SNTG1: variants seen among roughly 807,000 people sequenced by gnomAD.
The protein encoded by SNTG1 is syntrophin gamma 1, also known as gamma-1-syntrophin.
Under a neutral mutation model 74.7 loss-of-function variants are expected in SNTG1, and 39 were observed. That is an observed-to-expected ratio of 0.52 (90% CI 0.40 to 0.68). SNTG1 has a LOEUF of 0.68. Ranked by LOEUF, SNTG1 falls within the 30% of genes least tolerant of loss-of-function variation. The pLI is 0.00. For synonymous variants in SNTG1, 254 were observed against 217.1 expected (o/e 1.17, Z -1.49); for missense variants, 685 against 609.5 (o/e 1.12, Z -1.30).
chr8:49,973,559 A>T (rs894608934), intron 1 of SNTG1, among the ~76,000 whole-genome samples: 2 of 152,084 alleles, frequency 1.3e-5, no homozygotes, highest in Non-Finnish European at 2.9e-5. Flanking sequence ...TCCAGATGAG[A>T]TGAAATTTAC....
At chr8:50,047,909 C>A (rs539225907) in intron 1 of SNTG1, among the ~76,000 whole-genome samples, 1 of 152,080 alleles carries the variant, frequency 6.6e-6, no homozygotes, top group Admixed American at 6.5e-5. Flanking sequence ...GTGGTTAAGA[C>A]TTAAGGATCA....
intron 2 of SNTG1, among the ~76,000 whole-genome samples, chr8:50,274,925 C>A (rs2088008200): frequency 6.6e-6 from 1 of 152,104 alleles, no homozygotes; most frequent in Non-Finnish European, 1.5e-5. Context: ...CTATGTAATT[C>A]TTTTGATTAT....
intron 15 of SNTG1, among the ~76,000 whole-genome samples, chr8:50,690,231 T>C (rs900551754): frequency 2.6e-5 from 4 of 152,208 alleles, no homozygotes; most frequent in Non-Finnish European, 4.4e-5. Context: ...GAAGGTTTTT[T>C]TGTGTCTCTA....
intron 1 of SNTG1, among the ~76,000 whole-genome samples, chr8:50,125,306 A>G (rs1157547240): frequency 7.0e-6 from 1 of 142,922 alleles, no homozygotes; most frequent in East Asian, 2.0e-4. Context: ...AAATATAACT[A>G]TAATCAACAC....
At chr8:50,373,927 C>T (rs1024615485) in intron 2 of SNTG1, among the ~76,000 whole-genome samples, 2 of 152,096 alleles carry the variant, frequency 1.3e-5, no homozygotes, top group African/African-American at 2.4e-5. Context: ...CGTTCCTGGG[C>T]CATTACAGGA....
intron 2 of SNTG1, among the ~76,000 whole-genome samples, chr8:50,204,371 G>C (rs1020171438): frequency 3.3e-5 from 5 of 152,026 alleles, no homozygotes; most frequent in African/African-American, 9.7e-5. Context: ...TATGTTCCAA[G>C]TAGATTATCT....
Position 49,950,524 on chromosome 8 carries a change from G to C in SNTG1, c.-103+38293G>C, listed in dbSNP as rs145058519. On this transcript the variant is annotated intron_variant, in intron 1 of 18. Coordinates refer to ENST00000642720, the MANE Select transcript of SNTG1 (RefSeq NM_018967.5). ...TAAAATACACCTTATTAATATGCCA[G>C]TATTTTGTCATACTAATGTAACTAA... is the stretch of plus-strand genomic sequence containing the variant. Among the ~76,000 whole-genome samples, 3 of 152,224 alleles carry C rather than the reference G, an allele frequency of 2.0e-5. No individual in the cohort carries two copies. The East Asian group carries it at 5.8e-4, about 29-fold the overall frequency.
At chr8:49,939,282 T>C (rs2129372041) in intron 1 of SNTG1, among the ~76,000 whole-genome samples, 1 of 152,376 alleles carries the variant, frequency 6.6e-6, no homozygotes, top group Middle Eastern at 3.4e-3. Context: ...TCTGTATTAC[T>C]ACTAGTGAAT....
At chr8:50,392,485 T>C (rs959138946) in intron 2 of SNTG1, among the ~76,000 whole-genome samples, 2 of 152,206 alleles carry the variant, frequency 1.3e-5, no homozygotes, top group Admixed American at 6.5e-5. Flanking sequence ...TGGCTATTAT[T>C]CCCTCTCCCA....
chr8:50,252,226 T>C lies in SNTG1; in HGVS notation c.-28+79591T>C, dbSNP rs191184126. Among the ~76,000 whole-genome samples the C allele has an allele frequency of 5.3e-3, 812 of 152,024 alleles. 11 individuals are homozygous for C. Among genetic ancestry groups the C allele is most frequent in the African/African-American group, 0.019 (779 of 41,490 alleles). On this transcript the variant is annotated intron_variant, in intron 2 of 18. Transcript: ENST00000642720. ...AACAAAAGCAGTTCTATAAGAAAAG[T>C]TTATAGCAATAAACATCTACATCAA...
intron 18 of SNTG1, among the ~76,000 whole-genome samples, chr8:50,789,176 TG>T (rs978765741): frequency 6.6e-6 from 1 of 151,954 alleles, no homozygotes; most frequent in African/African-American, 2.4e-5. Context: ...ATGAAGTTTT[TG>T]TTTCCACTTC....
intron 1 of SNTG1, among the ~76,000 whole-genome samples, chr8:50,111,960 A>T (rs981937813): frequency 5.9e-5 from 9 of 152,160 alleles, no homozygotes. Flanking sequence ...GCCACAATAT[A>T]AGTAACTTTA....
At chr8:50,610,906 T>C (rs1043854599) in intron 13 of SNTG1, among the ~76,000 whole-genome samples, 1 of 152,206 alleles carries the variant, frequency 6.6e-6, no homozygotes, top group Non-Finnish European at 1.5e-5. Flanking sequence ...TTCAGCTTTA[T>C]ATTTGTTTTA....
chr8:50,347,780 G>A (rs566896274), intron 2 of SNTG1, among the ~76,000 whole-genome samples: 20 of 152,270 alleles, frequency 1.3e-4, no homozygotes, highest in East Asian at 7.7e-4. Context: ...AAAGTATGAC[G>A]TTATGAGTCT....
At chr8:50,038,725 T>G (rs1252380260) in intron 1 of SNTG1, among the ~76,000 whole-genome samples, 1 of 152,176 alleles carries the variant, frequency 6.6e-6, no homozygotes, top group Non-Finnish European at 1.5e-5. Context: ...CCAAAAGAAG[T>G]GTCTCCCACC....
At chr8:50,642,540 T>A (rs956407131) in intron 13 of SNTG1, among the ~76,000 whole-genome samples, 4 of 152,138 alleles carry the variant, frequency 2.6e-5, no homozygotes, top group Non-Finnish European at 5.9e-5. Flanking sequence ...ACCATAACCA[T>A]AATGGACTCA....
intron 2 of SNTG1, among the ~76,000 whole-genome samples, chr8:50,216,986 C>T (rs1344742054): frequency 1.3e-5 from 2 of 151,226 alleles, no homozygotes; most frequent in East Asian, 3.9e-4. Flanking sequence ...GGGAGAAAAG[C>T]AATTCAAGGG....
intron 2 of SNTG1, among the ~76,000 whole-genome samples, chr8:50,217,045 T>G (rs936418306): frequency 1.1e-4 from 16 of 151,470 alleles, no homozygotes; most frequent in African/African-American, 3.6e-4. Flanking sequence ...GTATTGAAAA[T>G]TAATGAAACA....
intron 14 of SNTG1, 76 bp downstream of exon 14, chr8:50,657,101 T>G: frequency 4.5e-6 from 3 of 670,530 alleles, no homozygotes; most frequent in Non-Finnish European, 7.1e-6. Flanking sequence ...CAGCACCAAA[T>G]AGTATACCAT....
Sources: gnomAD v4.1 joint callset for allele counts (sites outside exome capture counted in the v4.1 genomes callset) on GRCh38, gnomAD v4.1.1 for gene constraint, MANE v1.5 for transcripts, NCBI Gene and HGNC (gene_info 2026-07-23, HGNC 2026-07-21) for gene names.